The following MCPH1 variants were observed in gnomAD, a reference collection of about 807,000 sequenced individuals.
MCPH1 encodes the protein microcephalin 1.
MCPH1 carries 104 observed loss-of-function variants against 84.5 expected under a neutral mutation model. The observed-to-expected ratio is 1.23, with a 90% CI of 1.05 to 1.45. MCPH1 has a LOEUF of 1.45. Among genes scored for constraint, MCPH1 ranks in the 40% most tolerant of loss-of-function variants. The pLI is 0.00. For synonymous variants in MCPH1, 514 were observed against 366.8 expected (o/e 1.40, Z -4.58); for missense variants, 1,498 against 1,005.7 (o/e 1.49, Z -6.62).
At chr8:6,629,109 A>G (rs774484310) in intron 13 of MCPH1, among the ~76,000 whole-genome samples, 1 of 152,230 alleles carries the variant, frequency 6.6e-6, no homozygotes, top group Non-Finnish European at 1.5e-5. Flanking sequence ...AAAGACATAA[A>G]TAAGGTAACA....
rs1237217514 is a variant in MCPH1 at position 6,415,013 on chromosome 8, G to A, written c.233+130G>A. The A allele has an allele frequency of 5.1e-6, 4 of 786,414 alleles. No individual in the cohort carries two copies. In the African/African-American group the frequency reaches 5.5e-5, roughly 11 times the overall value. 48.7% of individuals were successfully genotyped at this position (786,414 alleles called of 1,614,324 possible). A position where few individuals can be genotyped will look rare whatever the true frequency, so the allele number is the denominator to read the frequency against. ...TTTTCTCTGCCTCTTACCTCACCTA[G>A]TAATTTGAAATCCTCCAGCCTCAAT... On this transcript the variant is annotated intron_variant, in intron 3 of 13. Transcript: ENST00000344683.
Position 6,609,869 on chromosome 8 carries a change from G to T in MCPH1, c.2215-11585G>T, listed in dbSNP as rs185357395. 3.4e-4 allele frequency among the ~76,000 whole-genome samples: 52 copies of T among 151,048 alleles called. No homozygotes were observed. The East Asian group carries it at 8.9e-3, about 26-fold the overall frequency. On this transcript the variant is annotated intron_variant, in intron 12 of 13. Coordinates refer to ENST00000344683, the MANE Select transcript of MCPH1 (RefSeq NM_024596.5). ...AGGTAAACCACAGAGGGTGAGGGGG[G>T]TGCAGGTCATGGTTGCCTTATTACA...
intron 12 of MCPH1, among the ~76,000 whole-genome samples, chr8:6,558,041 C>T (rs1360210296): frequency 2.0e-5 from 3 of 152,180 alleles, no homozygotes; most frequent in African/African-American, 7.2e-5. Flanking sequence ...CCCACACGCA[C>T]CTTTAGTTAC....
intron 12 of MCPH1, among the ~76,000 whole-genome samples, chr8:6,589,837 T>C (rs1188590813): frequency 6.6e-6 from 1 of 152,222 alleles, no homozygotes; most frequent in Non-Finnish European, 1.5e-5. Flanking sequence ...TGTCATAAAA[T>C]TGATGAGATG....
chr8:6,633,658 C>T (rs1797325866), intron 13 of MCPH1, among the ~76,000 whole-genome samples: 1 of 152,052 alleles, frequency 6.6e-6, no homozygotes, highest in African/African-American at 2.4e-5. Flanking sequence ...ATAACTTTTC[C>T]ATGCACACCC....
At chr8:6,577,770 G>C (rs756649246) in intron 12 of MCPH1, among the ~76,000 whole-genome samples, 2 of 152,222 alleles carry the variant, frequency 1.3e-5, no homozygotes, top group Non-Finnish European at 2.9e-5. Context: ...ACTTGTACAA[G>C]AGATACAAAT....
In MCPH1 at chr8:6,485,000, G is replaced by A. The variant is rs116063858; in HGVS notation, c.2136+4124G>A. Among the ~76,000 whole-genome samples, 832 of 152,324 alleles carry A rather than the reference G, an allele frequency of 5.5e-3. 8 individuals carry two copies. The highest frequency in any genetic ancestry group is 0.018 in the African/African-American group (767 of 41,572). ...GAACTGTACACACATATGCACACAC[G>A]AGTAAATCTTATTGTTTCTAAATTT... On this transcript the variant is annotated intron_variant, in intron 11 of 13. Transcript: ENST00000344683.
intron 3 of MCPH1, among the ~76,000 whole-genome samples, chr8:6,417,506 C>T (rs546274991): frequency 6.6e-6 from 1 of 152,152 alleles, no homozygotes; most frequent in Non-Finnish European, 1.5e-5. Flanking sequence ...CCTTCTTCTT[C>T]ATTATTGTTC....
In MCPH1 at chr8:6,553,665, A is replaced by T. The variant is rs971070600; in HGVS notation, c.2214+53736A>T. 5.6e-5 allele frequency among the ~76,000 whole-genome samples: 8 copies of T among 142,988 alleles called. 1 individual carries two copies. In the South Asian group the frequency reaches 9.2e-4, roughly 16 times the overall value. The allele number at this position is 142,988 out of a possible 152,430, so 93.8% of individuals were successfully genotyped here. On this transcript the variant is annotated intron_variant, in intron 12 of 13. Coordinates refer to ENST00000344683, the MANE Select transcript of MCPH1 (RefSeq NM_024596.5). ...ACAAAATCCCTGAAATGGTCTCAAA[A>T]TTTTTTTTTTTTTTTTTACCTCTCC... is the stretch of plus-strand genomic sequence containing the variant.
chr8:6,406,781 G>T, intron 1 of MCPH1, 92 bp downstream of exon 1: 1 of 1,371,810 alleles, frequency 7.3e-7, no homozygotes, highest in Non-Finnish European at 1.0e-6. Context: ...CGTGGGAGGA[G>T]CCCCGCTCGC....
chr8:6,576,708 T>C, intron 12 of MCPH1, among the ~76,000 whole-genome samples: 1 of 99,944 alleles, frequency 1.0e-5, no homozygotes, highest in Non-Finnish European at 2.0e-5. Context: ...TTTTTTTTTT[T>C]TTTTTTTTTT....
chr8:6,455,259 G>A lies in MCPH1; in HGVS notation c.1935+7G>A. ...AAGTGGGAGAGGCAAAAAGGTCAGT[G>A]TGTAAAAATATTATTTTAAACTTTC... is the stretch of plus-strand genomic sequence containing the variant. On this transcript the variant is annotated splice_region_variant and intron_variant, in intron 9 of 13. Coordinates refer to ENST00000344683, the MANE Select transcript of MCPH1 (RefSeq NM_024596.5). 2 of 1,582,220 alleles carry A rather than the reference G, an allele frequency of 1.3e-6. No individual in the cohort carries two copies. The highest frequency in any genetic ancestry group is 2.2e-5 in the East Asian group (1 of 44,698).
At chr8:6,449,218 G>C (rs1177570566) in intron 8 of MCPH1, among the ~76,000 whole-genome samples, 1 of 152,204 alleles carries the variant, frequency 6.6e-6, no homozygotes, top group Non-Finnish European at 1.5e-5. Flanking sequence ...GACGCTGATG[G>C]AATTCTCTTA....
chr8:6,496,829 G>C (rs899024116), intron 11 of MCPH1, among the ~76,000 whole-genome samples: 1 of 152,056 alleles, frequency 6.6e-6, no homozygotes, highest in African/African-American at 2.4e-5. Flanking sequence ...TATTAAATGG[G>C]GTCATGTTTT....
intron 12 of MCPH1, among the ~76,000 whole-genome samples, chr8:6,568,439 C>G (rs1162307911): frequency 1.3e-5 from 2 of 152,194 alleles, no homozygotes; most frequent in Non-Finnish European, 2.9e-5. Flanking sequence ...AGCCCCCCAG[C>G]TATGGGTTGC....
At chr8:6,526,971 G>A (rs537294944) in intron 12 of MCPH1, among the ~76,000 whole-genome samples, 4 of 151,932 alleles carry the variant, frequency 2.6e-5, no homozygotes, top group African/African-American at 4.8e-5. Context: ...TTACTTTATC[G>A]TGTGTTTGAA....
chr8:6,582,996 C>G (rs1365338641), intron 12 of MCPH1, among the ~76,000 whole-genome samples: 1 of 152,188 alleles, frequency 6.6e-6, no homozygotes, highest in South Asian at 2.1e-4. Context: ...ACTTACTCTG[C>G]ACATAGTCGG....
rs568909009 is a variant in MCPH1, at chr8:6,485,114, C to G, written c.2136+4238C>G. On this transcript the variant is annotated intron_variant, in intron 11 of 13. Coordinates refer to ENST00000344683, the MANE Select transcript of MCPH1 (RefSeq NM_024596.5). ...GGCCGAGGCGTGTGGATCACGAGGT[C>G]AGCAGTTCAAGACCAGCCTGGCCAA... Among the ~76,000 whole-genome samples, 3 of 150,942 alleles carry G rather than the reference C, an allele frequency of 2.0e-5. No individual in the cohort carries two copies. The South Asian group carries it at 6.3e-4, about 32-fold the overall frequency.
intron 12 of MCPH1, among the ~76,000 whole-genome samples, chr8:6,606,172 C>G (rs1243996368): frequency 6.6e-6 from 1 of 152,182 alleles, no homozygotes; most frequent in Non-Finnish European, 1.5e-5. Flanking sequence ...CTGGAGAGTA[C>G]TTTGTTCATA....
Sources: allele counts gnomAD v4.1 joint callset (sites outside exome capture counted in the v4.1 genomes callset), GRCh38; gene constraint gnomAD v4.1.1; transcripts MANE v1.5; gene names NCBI Gene and HGNC (gene_info 2026-07-23, HGNC 2026-07-21).